RANBP2: variants seen among roughly 807,000 people sequenced by gnomAD.
RANBP2 encodes the protein RAN binding protein 2.
A neutral mutation model predicts 303.6 loss-of-function variants in RANBP2; 57 were observed. That is an observed-to-expected ratio of 0.19 (90% confidence interval 0.15 to 0.23). The LOEUF is 0.23. Among genes scored for constraint, RANBP2 ranks in the 10% least tolerant of loss-of-function variants. The probability of loss-of-function intolerance (pLI) is 1.00; values close to 1 mark genes in which losing one functional copy is unlikely to be tolerated. For missense variants in RANBP2, 3,138 were observed against 3,780.8 expected, an observed-to-expected ratio of 0.83 and a Z score of 4.46; for synonymous variants, 1,167 against 1,301.5, an observed-to-expected ratio of 0.90 and a Z score of 2.23.
At chr2:109,225,458 A>G in the RANBP2 span, among the ~76,000 whole-genome samples, 1 of 152,196 alleles carries the variant, frequency 6.6e-6, no homozygotes, top group Non-Finnish European at 1.5e-5. Flanking sequence ...CTTTAAAGAT[A>G]CAGGCCAGGC....
chr2:109,656,412 A>T, the RANBP2 span, among the ~76,000 whole-genome samples: 2 of 152,206 alleles, frequency 1.3e-5, no homozygotes, highest in Admixed American at 6.5e-5. Flanking sequence ...ATCTTGGCTC[A>T]CTGCAGCCTC....
At chr2:108,803,886 A>G in the RANBP2 span, among the ~76,000 whole-genome samples, 1 of 152,222 alleles carries the variant, frequency 6.6e-6, no homozygotes, top group Non-Finnish European at 1.5e-5. Context: ...TATCTTTTAG[A>G]TATGGAAAAA....
chr2:109,656,712 T>C, the RANBP2 span, among the ~76,000 whole-genome samples: 16 of 152,342 alleles, frequency 1.1e-4, no homozygotes, highest in Non-Finnish European at 1.6e-4. Context: ...CTGAAATGTA[T>C]CTCACATGAT....
the RANBP2 span, among the ~76,000 whole-genome samples, chr2:108,810,790 G>A: frequency 6.6e-6 from 1 of 152,306 alleles, no homozygotes; most frequent in Admixed American, 6.5e-5. Context: ...TAAAAGTACA[G>A]TTCAGCAGTG....
chr2:109,512,056 C>A, the RANBP2 span, among the ~76,000 whole-genome samples: 1 of 152,192 alleles, frequency 6.6e-6, no homozygotes. Flanking sequence ...GGAGTCCCAT[C>A]ATGTGTGATA....
the RANBP2 span, among the ~76,000 whole-genome samples, chr2:109,073,229 CAG>C: frequency 6.6e-6 from 1 of 152,012 alleles, no homozygotes; most frequent in African/African-American, 2.4e-5. Context: ...AAGTGCCAAA[CAG>C]AAATCACGGA....
At chr2:108,911,308 C>A in the RANBP2 span, among the ~76,000 whole-genome samples, 1 of 152,184 alleles carries the variant, frequency 6.6e-6, no homozygotes, top group East Asian at 1.9e-4. Flanking sequence ...CCAGACTTCT[C>A]TGGGGTCACC....
chr2:109,581,025 A>G, the RANBP2 span, among the ~76,000 whole-genome samples: 5 of 152,248 alleles, frequency 3.3e-5, no homozygotes, highest in South Asian at 1.0e-3. Context: ...GCTAAAGAAT[A>G]ATATGCATAT....
At chr2:108,798,405 T>G in the RANBP2 span, 1 of 1,598,246 alleles carries the variant, frequency 6.3e-7, no homozygotes, top group Non-Finnish European at 8.5e-7. Context: ...TCAAGAGCAT[T>G]AAAGTCTGGC....
At chr2:109,550,552 G>T in the RANBP2 span, among the ~76,000 whole-genome samples, 2 of 152,000 alleles carry the variant, frequency 1.3e-5, no homozygotes, top group Non-Finnish European at 2.9e-5. Flanking sequence ...GATCTCAAGT[G>T]ATCCACCCAC....
chr2:108,839,206 C>A, the RANBP2 span: 21 of 1,610,352 alleles, frequency 1.3e-5, no homozygotes, highest in Non-Finnish European at 1.4e-5. Flanking sequence ...AATGACAGAG[C>A]AGCTACAGTG....
intron 25 of RANBP2, 116 bp downstream of exon 25, chr2:108,777,347 GT>G (rs765522623): frequency 0.25 from 210,557 of 832,502 alleles, 28,099 homozygotes; most frequent in African/African-American, 0.35. Context: ...TTACCCCCCA[GT>G]TTGTTTTAGT....
the RANBP2 span, among the ~76,000 whole-genome samples, chr2:109,029,974 GGATT>G: frequency 3.3e-5 from 5 of 152,292 alleles, no homozygotes; most frequent in East Asian, 7.7e-4. Flanking sequence ...CTGTATTGAT[GGATT>G]GATTGATTCA....
the RANBP2 span, among the ~76,000 whole-genome samples, chr2:108,972,400 C>T: frequency 7.9e-5 from 12 of 152,222 alleles, no homozygotes; most frequent in East Asian, 3.9e-4. Context: ...TCCTTCCTCA[C>T]GGGCCCTGGA....
At chr2:109,708,360 TA>T in the RANBP2 span, among the ~76,000 whole-genome samples, 6 of 150,540 alleles carry the variant, frequency 4.0e-5, no homozygotes, top group Non-Finnish European at 8.9e-5. Context: ...ATCCTGTCTC[TA>T]AAAAAACAAA....
At chr2:108,912,380 G>A in the RANBP2 span, among the ~76,000 whole-genome samples, 8 of 152,168 alleles carry the variant, frequency 5.3e-5, no homozygotes, top group African/African-American at 1.9e-4. Flanking sequence ...CAGGACGCCT[G>A]GTCTCTCCTC....
the RANBP2 span, among the ~76,000 whole-genome samples, chr2:108,987,390 C>A: frequency 1.7e-3 from 260 of 152,290 alleles, 6 homozygotes; most frequent in Admixed American, 0.014. Context: ...TGTCTGCACT[C>A]CGGAGCAATG....
chr2:109,268,796 G>A, the RANBP2 span, among the ~76,000 whole-genome samples: 1 of 152,056 alleles, frequency 6.6e-6, no homozygotes, highest in Non-Finnish European at 1.5e-5. Context: ...GCTAATGTGC[G>A]TGTTCTGAGC....
the RANBP2 span, among the ~76,000 whole-genome samples, chr2:109,345,870 G>A: frequency 1.3e-5 from 2 of 152,182 alleles, no homozygotes; most frequent in African/African-American, 4.8e-5. Flanking sequence ...ATTGCAGGGT[G>A]TTTGGCAGTG....
Sources: allele counts gnomAD v4.1 joint callset (sites outside exome capture counted in the v4.1 genomes callset), GRCh38; gene constraint gnomAD v4.1.1; transcripts MANE v1.5; gene names NCBI Gene and HGNC (gene_info 2026-07-23, HGNC 2026-07-21).